The following RALGPS2 variants were observed in gnomAD, a reference collection of about 807,000 sequenced individuals.
RALGPS2 encodes Ral GEF with PH domain and SH3 binding motif 2, also known as ras-specific guanine nucleotide-releasing factor RalGPS2.
A neutral mutation model predicts 86.8 loss-of-function variants in RALGPS2; 43 were observed. The ratio of observed to expected loss-of-function variants is 0.50; its 90% CI spans 0.39 to 0.64. The LOEUF is 0.64. Among genes scored for constraint, RALGPS2 ranks in the 30% least tolerant of loss-of-function variants. The pLI is 0.00. For missense variants in RALGPS2, 536 were observed against 694.6 expected, an observed-to-expected ratio of 0.77 and a Z score of 2.57; for synonymous variants, 243 against 231.3, an observed-to-expected ratio of 1.05 and a Z score of -0.46.
chr1:178,884,957 C>T, intron 11 of RALGPS2, 119 bp from the exon 12 acceptor site: 1 of 971,000 alleles, frequency 1.0e-6, no homozygotes, highest in Non-Finnish European at 1.4e-6. Flanking sequence ...CATCTTCAAG[C>T]CAATTAAATA....
intron 8 of RALGPS2, among the ~76,000 whole-genome samples, chr1:178,860,399 C>G (rs1328504223): frequency 6.6e-6 from 1 of 151,916 alleles, no homozygotes; most frequent in Non-Finnish European, 1.5e-5. Context: ...TTCTTATAAC[C>G]ATTTTTAAAG....
chr1:178,788,724 A>G (rs1404297885), intron 4 of RALGPS2, among the ~76,000 whole-genome samples: 2 of 152,186 alleles, frequency 1.3e-5, no homozygotes, highest in Non-Finnish European at 2.9e-5. Context: ...GGAAGCCATT[A>G]GAGGGTTGTG....
At chr1:178,847,462 A>T (rs564840988) in intron 8 of RALGPS2, among the ~76,000 whole-genome samples, 1 of 152,260 alleles carries the variant, frequency 6.6e-6, no homozygotes, top group East Asian at 1.9e-4. Context: ...GAAAAAAAAA[A>T]ACTGAAAAGT....
At chr1:178,838,812 T>A (rs1274471500) in intron 8 of RALGPS2, among the ~76,000 whole-genome samples, 3 of 152,064 alleles carry the variant, frequency 2.0e-5, no homozygotes, top group African/African-American at 4.8e-5. Flanking sequence ...TGTAGAGAAG[T>A]CCTTAAATGA....
intron 5 of RALGPS2, 112 bp from the exon 6 acceptor site, chr1:178,811,203 A>G (rs1654958998): frequency 1.5e-6 from 1 of 665,916 alleles, no homozygotes; most frequent in Non-Finnish European, 2.4e-6. Flanking sequence ...AGCACCTTTA[A>G]CAATGTTTAA....
intron 18 of RALGPS2, among the ~76,000 whole-genome samples, chr1:178,903,530 G>A (rs1237078392): frequency 6.6e-6 from 1 of 152,008 alleles, no homozygotes; most frequent in Non-Finnish European, 1.5e-5. Flanking sequence ...AGTCCCCAAA[G>A]TCCATTGTAT....
intron 8 of RALGPS2, among the ~76,000 whole-genome samples, chr1:178,838,573 A>G (rs1160621695): frequency 2.0e-5 from 3 of 152,168 alleles, no homozygotes; most frequent in Non-Finnish European, 4.4e-5. Flanking sequence ...ATGGGGAAAA[A>G]ACAGAACAGA....
intron 8 of RALGPS2, among the ~76,000 whole-genome samples, chr1:178,852,073 G>A (rs1230366743): frequency 2.0e-5 from 3 of 152,056 alleles, no homozygotes; most frequent in African/African-American, 7.2e-5. Flanking sequence ...CAGTCATCTT[G>A]GTTTTCCCCC....
chr1:178,874,614 T>C (rs1244968260), intron 8 of RALGPS2, among the ~76,000 whole-genome samples: 1 of 152,224 alleles, frequency 6.6e-6, no homozygotes, highest in Non-Finnish European at 1.5e-5. Flanking sequence ...GTTTAAACTT[T>C]TCTGTGCTAC....
intron 8 of RALGPS2, among the ~76,000 whole-genome samples, chr1:178,839,609 G>A (rs1468218127): frequency 6.6e-6 from 1 of 151,598 alleles, no homozygotes; most frequent in Non-Finnish European, 1.5e-5. Flanking sequence ...ATCAACTAAT[G>A]AGCAAAATAA....
intron 13 of RALGPS2, among the ~76,000 whole-genome samples, 155 bp from the exon 14 acceptor site, chr1:178,889,487 G>A (rs1659629537): frequency 6.6e-6 from 1 of 151,962 alleles, no homozygotes; most frequent in Non-Finnish European, 1.5e-5. Flanking sequence ...CCTAACAGCA[G>A]TAATATTAGA....
chr1:178,911,386 T>G (rs1213056702), intron 19 of RALGPS2, among the ~76,000 whole-genome samples: 1 of 152,070 alleles, frequency 6.6e-6, no homozygotes, highest in Non-Finnish European at 1.5e-5. Flanking sequence ...CTTCTTGACA[T>G]AGGTATTGAG....
chr1:178,824,900 A>G (rs1056530895), intron 7 of RALGPS2, among the ~76,000 whole-genome samples: 1 of 152,168 alleles, frequency 6.6e-6, no homozygotes, highest in Non-Finnish European at 1.5e-5. Flanking sequence ...AAGTTGGTAG[A>G]TTTCGTGGTG....
chr1:178,884,976 A>G (rs1659412053), intron 11 of RALGPS2, 100 bp from the exon 12 acceptor site: 2 of 1,189,294 alleles, frequency 1.7e-6, no homozygotes, highest in Non-Finnish European at 1.1e-6. Flanking sequence ...TAGAACTAAC[A>G]TCAGTACTAT....
At chr1:178,803,895 T>G (rs981945129) in intron 4 of RALGPS2, among the ~76,000 whole-genome samples, 9 of 152,196 alleles carry the variant, frequency 5.9e-5, no homozygotes, top group Non-Finnish European at 1.2e-4. Context: ...CGTTTTTAGC[T>G]TACATCACAT....
intron 8 of RALGPS2, among the ~76,000 whole-genome samples, chr1:178,875,595 A>G (rs969847875): frequency 6.6e-6 from 1 of 152,090 alleles, no homozygotes; most frequent in Non-Finnish European, 1.5e-5. Context: ...TAAAAATGCA[A>G]GAACTACCCA....
chr1:178,791,037 T>G (rs1653925924), intron 4 of RALGPS2, among the ~76,000 whole-genome samples: 1 of 152,318 alleles, frequency 6.6e-6, no homozygotes, highest in Non-Finnish European at 1.5e-5. Flanking sequence ...TATATCAATA[T>G]TCAGGTCTCT....
intron 4 of RALGPS2, among the ~76,000 whole-genome samples, chr1:178,801,768 A>G (rs1350762077): frequency 6.7e-6 from 1 of 149,990 alleles, no homozygotes; most frequent in Non-Finnish European, 1.5e-5. Flanking sequence ...TTCAAGAGCT[A>G]ATAAACACCA....
At chr1:178,744,746 G>T (rs909757280) in intron 1 of RALGPS2, among the ~76,000 whole-genome samples, 4 of 150,686 alleles carry the variant, frequency 2.7e-5, no homozygotes, top group Non-Finnish European at 4.4e-5. Context: ...GAAACTGGGA[G>T]GGCAGAGGGT....
Sources: allele counts gnomAD v4.1 joint callset (sites outside exome capture counted in the v4.1 genomes callset), GRCh38; gene constraint gnomAD v4.1.1; transcripts MANE v1.5; gene names NCBI Gene and HGNC (gene_info 2026-07-23, HGNC 2026-07-21).